RFX7: variants seen among roughly 807,000 people sequenced by gnomAD.
RFX7 encodes regulatory factor X7.
A neutral mutation model predicts 111.8 loss-of-function variants in RFX7; 26 were observed. That is an observed-to-expected ratio of 0.23 (90% CI 0.17 to 0.32). The LOEUF is 0.32. Among genes scored for constraint, RFX7 ranks in the 10% least tolerant of loss-of-function variants. The pLI, the probability that RFX7 is intolerant of heterozygous loss-of-function variation, is 1.00. For synonymous variants in RFX7, 624 were observed against 624.4 expected (o/e 1.00, Z 0.01); for missense variants, 1,573 against 1,772.9 (o/e 0.89, Z 2.02).
intron 5 of RFX7, among the ~76,000 whole-genome samples, chr15:56,140,179 T>G (rs1422211680): frequency 1.3e-5 from 2 of 152,226 alleles, no homozygotes; most frequent in East Asian, 1.9e-4. Context: ...GTTTACCTAA[T>G]CAAGCCTGGG....
chr15:56,111,656 T>TAAACCAAAAAAAAAAAAAAAA (rs1295421427), intron 5 of RFX7, among the ~76,000 whole-genome samples: 1 of 20,256 alleles, frequency 4.9e-5, no homozygotes, highest in Non-Finnish European at 1.1e-4. Flanking sequence ...AAAAAATAAA[T>TAAACCAAAAAAAAAAAAAAAA]AAACCAAAAA....
chr15:56,195,515 T>C (rs1345454507), intron 2 of RFX7, among the ~76,000 whole-genome samples: 1 of 152,162 alleles, frequency 6.6e-6, no homozygotes, highest in Non-Finnish European at 1.5e-5. Flanking sequence ...CTCTCTGTAA[T>C]CCAAGTTGCC....
At chr15:56,149,502 C>G (rs1158149174) in intron 3 of RFX7, among the ~76,000 whole-genome samples, 1 of 152,204 alleles carries the variant, frequency 6.6e-6, no homozygotes, top group Non-Finnish European at 1.5e-5. Flanking sequence ...ACTGAGGTAC[C>G]TGGTTCATCT....
chr15:56,103,129 A>ATTTT (rs11336124), intron 6 of RFX7, among the ~76,000 whole-genome samples: 70 of 94,432 alleles, frequency 7.4e-4, no homozygotes, highest in African/African-American at 1.5e-3. Context: ...GTTCCATAAG[A>ATTTT]TTTTTTTTTT....
At chr15:56,113,564 A>C (rs1434291273) in intron 5 of RFX7, among the ~76,000 whole-genome samples, 2 of 152,124 alleles carry the variant, frequency 1.3e-5, no homozygotes, top group Non-Finnish European at 2.9e-5. Context: ...CTTAATACCT[A>C]GGTGACAGGT....
At chr15:56,213,055 C>G (rs2043328480) in intron 2 of RFX7, among the ~76,000 whole-genome samples, 1 of 152,186 alleles carries the variant, frequency 6.6e-6, no homozygotes, top group South Asian at 2.1e-4. Context: ...CTGGATCACT[C>G]AGACATTGTC....
At chr15:56,190,062 T>C (rs1197558729) in intron 2 of RFX7, among the ~76,000 whole-genome samples, 3 of 152,220 alleles carry the variant, frequency 2.0e-5, no homozygotes, top group African/African-American at 7.2e-5. Context: ...ATAAATATTA[T>C]ACTGAGCCAT....
chr15:56,236,017 C>T (rs2043619177), intron 2 of RFX7, among the ~76,000 whole-genome samples: 1 of 152,050 alleles, frequency 6.6e-6, no homozygotes, highest in African/African-American at 2.4e-5. Flanking sequence ...AAAAGCAAGA[C>T]TCAAATAGTA....
chr15:56,207,660 A>G (rs1224973869), intron 2 of RFX7, among the ~76,000 whole-genome samples: 1 of 152,200 alleles, frequency 6.6e-6, no homozygotes, highest in Non-Finnish European at 1.5e-5. Context: ...AAAAACTGAT[A>G]AATTGGACTT....
intron 5 of RFX7, among the ~76,000 whole-genome samples, chr15:56,119,815 A>G (rs2042053290): frequency 6.6e-6 from 1 of 150,720 alleles, no homozygotes; most frequent in Non-Finnish European, 1.5e-5. Flanking sequence ...AAACGAGTTC[A>G]CTGTAGATGT....
In RFX7 at chr15:56,087,851, C is replaced by CA. The variant is rs2041547108; in HGVS notation, c.*5493dup. 2 of 288,152 alleles carry CA rather than the reference C, an allele frequency of 6.9e-6. No homozygotes were observed. Among genetic ancestry groups the CA allele is most frequent in the Admixed American group, 9.4e-5 (2 of 21,288 alleles). The allele number at this position is 288,152 out of a possible 1,614,324, so 17.8% of individuals were successfully genotyped here. On this transcript the variant is annotated 3_prime_UTR_variant, in exon 10 of 10. Coordinates refer to ENST00000559447, the MANE Select transcript of RFX7 (RefSeq NM_022841.7). ...TTATCATCTGTTAAAAAAAAAGTCCCATTTTTATTTTGATGACATTTTAAG... is the reference window on the plus strand; with the variant it reads ...TTATCATCTGTTAAAAAAAAAGTCCCAATTTTTATTTTGATGACATTTTAAG...
intron 2 of RFX7, 75 bp from the exon 3 acceptor site, chr15:56,179,378 G>T (rs2042938655): frequency 3.3e-6 from 2 of 608,152 alleles, no homozygotes; most frequent in South Asian, 4.2e-5. Flanking sequence ...AAAAGATGTG[G>T]TAATTTAGTC....
chr15:56,136,305 G>T (rs1243427507), intron 5 of RFX7, among the ~76,000 whole-genome samples: 2 of 136,892 alleles, frequency 1.5e-5, no homozygotes, highest in African/African-American at 5.5e-5. Context: ...GCAGTGGTTT[G>T]TAGTTCTCCT....
chr15:56,111,572 T>C (rs201333673), intron 5 of RFX7, among the ~76,000 whole-genome samples: 1 of 149,142 alleles, frequency 6.7e-6, no homozygotes, highest in Non-Finnish European at 1.5e-5. Context: ...GTTTATCTGC[T>C]GACCTTCCCT....
intron 3 of RFX7, among the ~76,000 whole-genome samples, chr15:56,154,969 T>C (rs532342726): frequency 1.6e-4 from 25 of 152,082 alleles, no homozygotes; most frequent in African/African-American, 5.8e-4. Flanking sequence ...GGGCAAAGGG[T>C]ATGAACAGAC....
upstream of RFX7, among the ~76,000 whole-genome samples, chr15:56,244,586 C>A (rs1295729245): frequency 6.7e-6 from 1 of 148,672 alleles, no homozygotes; most frequent in Non-Finnish European, 1.5e-5. Flanking sequence ...CCCCACCCCA[C>A]CCCACCCCCT....
chr15:56,102,421 T>A lies in RFX7; in HGVS notation c.519-168A>T, dbSNP rs547188415. 3.3e-5 allele frequency among the ~76,000 whole-genome samples: 5 copies of A among 152,322 alleles called. No individual in the cohort carries two copies. The South Asian group carries it at 1.0e-3, about 32-fold the overall frequency. ...CCTTAATATTAAAAACTTGGGACAC[T>A]TTTACTCTTTTGAAACTGAAATACC... On this transcript the variant is annotated intron_variant, in intron 6 of 9. Coordinates refer to ENST00000559447, the MANE Select transcript of RFX7 (RefSeq NM_022841.7).
At chr15:56,135,478 T>G (rs1212937474) in intron 5 of RFX7, among the ~76,000 whole-genome samples, 3 of 152,090 alleles carry the variant, frequency 2.0e-5, no homozygotes, top group Non-Finnish European at 4.4e-5. Context: ...TTTTTTCTTG[T>G]AAATTTGTTT....
In RFX7 at chr15:56,103,656, T is replaced by C. The variant is rs2041788790; in HGVS notation, c.416A>G (p.Asn139Ser). Residue 139 changes from asparagine (N) to serine (S), a missense_variant, in exon 6 of 10, where the codon AAT (asparagine) becomes AGT (serine). Transcript: ENST00000559447. ...VYDEYKSYCD[N>S]LGYHPLSAAD... ...AGCACTTAATGGATGGTAACCAAGA[T>C]TGTCACAATAGCTCCTGCAAAAGAA... The C allele has an allele frequency of 4.4e-6, 7 of 1,593,124 alleles. No individual in the cohort carries two copies. Among genetic ancestry groups the C allele is most frequent in the South Asian group, 2.3e-5 (2 of 87,384 alleles).
Sources: gnomAD v4.1 joint callset for allele counts (sites outside exome capture counted in the v4.1 genomes callset) on GRCh38, gnomAD v4.1.1 for gene constraint, MANE v1.5 for transcripts, NCBI Gene and HGNC (gene_info 2026-07-23, HGNC 2026-07-21) for gene names.